MAL: variants seen among roughly 807,000 people sequenced by gnomAD.
The protein encoded by MAL is myelin and lymphocyte protein.
A neutral mutation model predicts 16.7 loss-of-function variants in MAL; 5 were observed. The ratio of observed to expected loss-of-function variants is 0.30; its 90% CI spans 0.16 to 0.63. The LOEUF is 0.63. MAL is among the 30% of genes least tolerant of loss of function. The pLI is 0.82. For missense variants in MAL, 202 were observed against 195.8 expected, an observed-to-expected ratio of 1.03 and a Z score of -0.19; for synonymous variants, 96 against 85.5, an observed-to-expected ratio of 1.12 and a Z score of -0.67.
chr2:95,030,750 A>G (rs1196715551), intron 1 of MAL, among the ~76,000 whole-genome samples: 1 of 151,926 alleles, frequency 6.6e-6, no homozygotes, highest in Non-Finnish European at 1.5e-5. Flanking sequence ...TGCCTCAGAA[A>G]CACGAACAGA....
chr2:95,027,633 A>G (rs1673974015), intron 1 of MAL, among the ~76,000 whole-genome samples: 1 of 152,234 alleles, frequency 6.6e-6, no homozygotes, highest in African/African-American at 2.4e-5. Context: ...ACGAAGCTGT[A>G]TATATTTGAT....
intron 1 of MAL, among the ~76,000 whole-genome samples, chr2:95,035,569 G>C (rs1454989916): frequency 2.0e-5 from 3 of 152,148 alleles, no homozygotes; most frequent in Non-Finnish European, 2.9e-5. Context: ...GGCTTCCCTG[G>C]GGCTCAAGGG....
intron 1 of MAL, among the ~76,000 whole-genome samples, chr2:95,026,155 A>AG (rs1009764286): frequency 1.1e-4 from 16 of 149,894 alleles, no homozygotes; most frequent in African/African-American, 3.7e-4. Flanking sequence ...GCAGCGGGGC[A>AG]GGGGGGGACG....
At chr2:95,051,793 G>A (rs1198940045) in intron 3 of MAL, 1 of 152,170 alleles carries the variant, frequency 6.6e-6, no homozygotes, top group Non-Finnish European at 1.5e-5. Flanking sequence ...AACCACCAAG[G>A]GGAAATCTGC....
intron 1 of MAL, 131 bp from the exon 2 acceptor site, chr2:95,047,828 C>A: frequency 2.4e-6 from 2 of 837,894 alleles, no homozygotes; most frequent in South Asian, 1.8e-5. Flanking sequence ...GAGGAAAATG[C>A]CTGCCCTGTT....
chr2:95,046,859 G>A (rs1291908538), intron 1 of MAL, among the ~76,000 whole-genome samples: 2 of 151,204 alleles, frequency 1.3e-5, no homozygotes, highest in South Asian at 4.2e-4. Flanking sequence ...AAGGGAGAGA[G>A]AGAGAGAAAG....
intron 1 of MAL, among the ~76,000 whole-genome samples, chr2:95,032,505 G>A (rs1354880052): frequency 6.6e-6 from 1 of 152,222 alleles, no homozygotes; most frequent in Admixed American, 6.5e-5. Context: ...CAGGCCTCAG[G>A]GACAGGTGCT....
At chr2:95,046,168 C>A (rs1229838919) in intron 1 of MAL, among the ~76,000 whole-genome samples, 3 of 152,224 alleles carry the variant, frequency 2.0e-5, no homozygotes, top group Non-Finnish European at 4.4e-5. Context: ...AGCGGTATCT[C>A]TCACCCAGCA....
At chr2:95,051,274 G>A (rs967042178) in intron 3 of MAL, 3 of 152,210 alleles carry the variant, frequency 2.0e-5, no homozygotes, top group African/African-American at 7.2e-5. Context: ...AACTCCCTGT[G>A]TGGATGGTGT....
intron 1 of MAL, among the ~76,000 whole-genome samples, chr2:95,029,000 A>T (rs1193488005): frequency 6.6e-6 from 1 of 152,244 alleles, no homozygotes; most frequent in Non-Finnish European, 1.5e-5. Flanking sequence ...TGAATGTACT[A>T]AATGCCACTG....
chr2:95,027,948 C>T (rs1673983440), intron 1 of MAL, among the ~76,000 whole-genome samples: 1 of 152,042 alleles, frequency 6.6e-6, no homozygotes, highest in Admixed American at 6.5e-5. Context: ...AAAGAAGATA[C>T]ACAAATGGCC....
intron 1 of MAL, among the ~76,000 whole-genome samples, chr2:95,027,929 G>A (rs1401900107): frequency 6.6e-6 from 1 of 152,074 alleles, no homozygotes; most frequent in East Asian, 1.9e-4. Flanking sequence ...CTTGAACAGA[G>A]GTTTCTACAA....
chr2:95,029,402 C>T (rs774011034), intron 1 of MAL, among the ~76,000 whole-genome samples: 17 of 152,220 alleles, frequency 1.1e-4, no homozygotes, highest in Admixed American at 5.2e-4. Flanking sequence ...GCATACAGTA[C>T]GTATCCTTCT....
chr2:95,042,520 A>T (rs532177256), intron 1 of MAL, among the ~76,000 whole-genome samples: 11 of 152,186 alleles, frequency 7.2e-5, no homozygotes, highest in African/African-American at 2.6e-4. Context: ...AGGCCCTGGG[A>T]CTCAGAGCAC....
chr2:95,038,177 T>C (rs1203597867), intron 1 of MAL, among the ~76,000 whole-genome samples: 3 of 148,492 alleles, frequency 2.0e-5, no homozygotes, highest in Admixed American at 6.7e-5. Context: ...AGTGACTGAG[T>C]GACTGTGTGA....
chr2:95,038,566 G>T (rs1343532984), intron 1 of MAL, among the ~76,000 whole-genome samples: 1 of 150,832 alleles, frequency 6.6e-6, no homozygotes, highest in African/African-American at 2.4e-5. Flanking sequence ...GTGAGTGAGT[G>T]ACTGAGTGAC....
intron 1 of MAL, 109 bp from the exon 2 acceptor site, chr2:95,047,850 C>T: frequency 9.4e-7 from 1 of 1,068,616 alleles, no homozygotes; most frequent in Non-Finnish European, 1.3e-6. Context: ...TCTTTGCCTG[C>T]TTCCTGTGTT....
In MAL at chr2:95,053,230, G is replaced by A. The variant is rs1573304728; in HGVS notation, c.388-151G>A. The A allele has an allele frequency of 1.2e-5, 8 of 685,058 alleles. No homozygotes were observed. The East Asian group carries it at 2.0e-4, about 17-fold the overall frequency. The allele number at this position is 685,058 out of a possible 1,614,324, so 42.4% of individuals were successfully genotyped here. ...ATTTGGTGCACACCTGGGCTCAGCA[G>A]GGAGGGCGTCCATGTGAGGGTGAGA... On this transcript the variant is annotated intron_variant, in intron 3 of 3. Coordinates refer to ENST00000309988, the MANE Select transcript of MAL (RefSeq NM_002371.4).
rs111289247 is a variant in MAL at position 95,040,715 on chromosome 2, C to T, written c.94-7244C>T. Among the ~76,000 whole-genome samples the T allele has an allele frequency of 2.3e-3, 348 of 152,272 alleles. 1 individual carries two copies. Among genetic ancestry groups the T allele is most frequent in the Non-Finnish European group, 4.1e-3 (277 of 68,032 alleles). ...AGCTTCCCGCAGTCCTCCCAGCAGACGGGGATGAGTCCACATGCCTCCCTC... is the reference window on the plus strand; with the variant it reads ...AGCTTCCCGCAGTCCTCCCAGCAGATGGGGATGAGTCCACATGCCTCCCTC... On this transcript the variant is annotated intron_variant, in intron 1 of 3. Coordinates refer to ENST00000309988, the MANE Select transcript of MAL (RefSeq NM_002371.4).
Sources: allele counts gnomAD v4.1 joint callset (sites outside exome capture counted in the v4.1 genomes callset), GRCh38; gene constraint gnomAD v4.1.1; transcripts MANE v1.5; gene names NCBI Gene and HGNC (gene_info 2026-07-23, HGNC 2026-07-21).